The following RREB1 variants were observed in gnomAD, a reference collection of about 807,000 sequenced individuals.
RREB1 encodes the protein ras responsive element binding protein 1, also known as ras-responsive element-binding protein 1.
RREB1 carries 27 observed loss-of-function variants against 117.8 expected under a neutral mutation model. The ratio of observed to expected loss-of-function variants is 0.23; its 90% CI spans 0.17 to 0.32. The LOEUF (loss-of-function observed/expected upper bound fraction) is 0.32, where lower values mean the gene tolerates loss of function less well. RREB1 is among the 10% of genes least tolerant of loss of function. RREB1 has a pLI of 1.00. For missense variants in RREB1, 2,577 were observed against 2,378.2 expected (o/e 1.08, Z -1.74); for synonymous variants, 1,298 against 1,026.7 (o/e 1.26, Z -5.05).
intron 1 of RREB1, among the ~76,000 whole-genome samples, chr6:7,120,842 CAG>C (rs1007932637): frequency 2.5e-5 from 3 of 118,802 alleles, no homozygotes; most frequent in Admixed American, 2.0e-4. Context: ...TTTTTTGAGA[CAG>C]AGTCTTGTTC....
chr6:7,236,350 G>A (rs536444988), intron 10 of RREB1, among the ~76,000 whole-genome samples: 9 of 152,066 alleles, frequency 5.9e-5, no homozygotes, highest in Non-Finnish European at 1.3e-4. Context: ...TTTTTGAGCC[G>A]GCTCAGGCTT....
At chr6:7,160,479 C>G (rs1391443254) in intron 1 of RREB1, among the ~76,000 whole-genome samples, 1 of 152,084 alleles carries the variant, frequency 6.6e-6, no homozygotes. Flanking sequence ...TTAAACTTGA[C>G]CTAACTTTAT....
chr6:7,242,593 A>T (rs1442426235), intron 11 of RREB1, among the ~76,000 whole-genome samples: 1 of 152,052 alleles, frequency 6.6e-6, no homozygotes, highest in Non-Finnish European at 1.5e-5. Flanking sequence ...GGAGGATTTT[A>T]AAATGCAGAT....
chr6:7,187,796 T>C, intron 5 of RREB1: 1 of 188,504 alleles, frequency 5.3e-6, no homozygotes, highest in Non-Finnish European at 1.1e-5. Context: ...TAAATAATTT[T>C]GGGAGGTGGT....
intron 6 of RREB1, among the ~76,000 whole-genome samples, chr6:7,199,242 AGTG>A (rs1765813413): frequency 4.6e-5 from 7 of 152,188 alleles, no homozygotes; most frequent in Admixed American, 2.6e-4. Context: ...CTTCATCTTT[AGTG>A]GGGGTAACGT....
intron 6 of RREB1, among the ~76,000 whole-genome samples, chr6:7,209,455 T>C (rs527776304): frequency 1.3e-5 from 2 of 152,220 alleles, no homozygotes; most frequent in African/African-American, 4.8e-5. Context: ...ATAATCACTT[T>C]GGAATAGAGG....
chr6:7,172,373 G>C (rs1242434541), intron 1 of RREB1, among the ~76,000 whole-genome samples: 1 of 151,746 alleles, frequency 6.6e-6, no homozygotes, highest in Non-Finnish European at 1.5e-5. Flanking sequence ...CTTTTGTCTT[G>C]AATGTGGCCT....
intron 11 of RREB1, among the ~76,000 whole-genome samples, chr6:7,244,385 C>T (rs545534292): frequency 1.3e-5 from 2 of 152,150 alleles, no homozygotes; most frequent in South Asian, 4.2e-4. Flanking sequence ...CCAGCCTGGG[C>T]AACATAGGGA....
chr6:7,152,388 CTT>C (rs938809898), intron 1 of RREB1, among the ~76,000 whole-genome samples: 4 of 152,066 alleles, frequency 2.6e-5, no homozygotes, highest in Non-Finnish European at 4.4e-5. Flanking sequence ...TGTTAATTGA[CTT>C]TTTTTATGTC....
chr6:7,238,363 C>T (rs908990603), intron 10 of RREB1, among the ~76,000 whole-genome samples: 3 of 152,132 alleles, frequency 2.0e-5, no homozygotes, highest in Admixed American at 6.5e-5. Context: ...TCAGCCTCCC[C>T]AGTAGCTGGG....
At chr6:7,183,576 G>C (rs1764918131) in intron 4 of RREB1, 1 of 152,156 alleles carries the variant, frequency 6.6e-6, no homozygotes, top group Non-Finnish European at 1.5e-5. Flanking sequence ...CCGTGGTTAG[G>C]GCCCTGGAGG....
Position 7,231,219 on chromosome 6 carries a change from C to A in RREB1, c.3120C>A (p.Ala1040=), listed in dbSNP as rs1041045798. Residue 1040 remains alanine, a synonymous_variant, in exon 10 of 13, where the codon GCC becomes GCA. Coordinates refer to ENST00000379938, the MANE Select transcript of RREB1 (RefSeq NM_001003699.4). ...VGSSALLSGT[A]LLRPLRPKPP... ...GCTCAGCCCTCCTGAGTGGCACAGCCTTGCTGCGTCCACTGCGGCCCAAGC... is the reference window on the plus strand; with the variant it reads ...GCTCAGCCCTCCTGAGTGGCACAGCATTGCTGCGTCCACTGCGGCCCAAGC... The A allele has an allele frequency of 1.9e-6, 3 of 1,612,432 alleles. No individual in the cohort carries two copies. The African/African-American group carries it at 4.0e-5, about 22-fold the overall frequency.
At chr6:7,224,698 T>G (rs969563321) in intron 8 of RREB1, among the ~76,000 whole-genome samples, 12 of 152,196 alleles carry the variant, frequency 7.9e-5, no homozygotes, top group Non-Finnish European at 1.2e-4. Context: ...TCTCATGGCC[T>G]GTGATTTAGA....
At chr6:7,209,296 AG>A (rs1182832909) in intron 6 of RREB1, among the ~76,000 whole-genome samples, 1 of 152,208 alleles carries the variant, frequency 6.6e-6, no homozygotes, top group Non-Finnish European at 1.5e-5. Flanking sequence ...TTGAAAGGGC[AG>A]GTTTGATGCT....
At chr6:7,186,567 C>T (rs146913396) in intron 4 of RREB1, among the ~76,000 whole-genome samples, 84 of 152,282 alleles carry the variant, frequency 5.5e-4, no homozygotes, top group Middle Eastern at 3.4e-3. Context: ...GACAGGAACC[C>T]GTGGTCTTAG....
Position 7,230,679 on chromosome 6 carries a change from T to C in RREB1, c.2580T>C (p.Thr860=). ...CAALGDCKPL[T]AFLEPQNGFL... Reference sequence around the variant, plus strand: ...CCCTTGGTGACTGCAAGCCCCTCACTGCCTTCCTGGAACCCCAGAACGGCT... The same window carrying C: ...CCCTTGGTGACTGCAAGCCCCTCACCGCCTTCCTGGAACCCCAGAACGGCT... The change falls in exon 10 of 13, where the codon ACT becomes ACC. Residue 860 remains threonine, a synonymous_variant. Coordinates refer to ENST00000379938, the MANE Select transcript of RREB1 (RefSeq NM_001003699.4). The C allele has an allele frequency of 6.3e-7, 1 of 1,594,150 alleles. No homozygotes were observed. Among genetic ancestry groups the C allele is most frequent in the Non-Finnish European group, 8.6e-7 (1 of 1,169,438 alleles).
Position 7,231,266 on chromosome 6 carries a change from C to T in RREB1, c.3167C>T (p.Pro1056Leu), listed in dbSNP as rs769740085. The T allele has an allele frequency of 5.6e-6, 9 of 1,612,010 alleles. No individual in the cohort carries two copies. Among genetic ancestry groups the T allele is most frequent in the Middle Eastern group, 1.6e-4 (1 of 6,074 alleles). ...AAGCCCCCGCTGCTTTTGCCAAAGCCCCCCGTGACAGAAGAGCTGCCCCCG... is the reference window on the plus strand; with the variant it reads ...AAGCCCCCGCTGCTTTTGCCAAAGCTCCCCGTGACAGAAGAGCTGCCCCCG... ...RPKPPLLLPK[P>L]PVTEELPPLA... Residue 1056 changes from proline (P) to leucine (L), a missense_variant, in exon 10 of 13, where the codon CCC becomes CTC. Transcript: ENST00000379938.
chr6:7,132,911 A>T (rs1762211615), intron 1 of RREB1, among the ~76,000 whole-genome samples: 1 of 152,160 alleles, frequency 6.6e-6, no homozygotes. Context: ...GAAACTTGAA[A>T]ATTTGTGAGC....
chr6:7,193,890 T>C (rs1158971641), intron 6 of RREB1, among the ~76,000 whole-genome samples: 1 of 152,218 alleles, frequency 6.6e-6, no homozygotes, highest in Non-Finnish European at 1.5e-5. Context: ...GATTTTCTGA[T>C]TGGGACGCAC....
Sources: allele counts gnomAD v4.1 joint callset (sites outside exome capture counted in the v4.1 genomes callset), GRCh38; gene constraint gnomAD v4.1.1; transcripts MANE v1.5; gene names NCBI Gene and HGNC (gene_info 2026-07-23, HGNC 2026-07-21).